RBFOX1: variants seen among roughly 807,000 people sequenced by gnomAD.
RBFOX1 encodes the protein RNA binding protein fox-1 homolog 1.
Under a neutral mutation model 57.7 loss-of-function variants are expected in RBFOX1, and 8 were observed. The observed-to-expected ratio is 0.14, with a 90% CI of 0.08 to 0.25. The LOEUF (loss-of-function observed/expected upper bound fraction) is 0.25. Among genes scored for constraint, RBFOX1 ranks in the 10% least tolerant of loss-of-function variants. The pLI, the probability that RBFOX1 is intolerant of heterozygous loss-of-function variation, is 1.00. For missense variants in RBFOX1, 611 were observed against 548.5 expected (o/e 1.11, Z -1.14); for synonymous variants, 326 against 222.4 (o/e 1.47, Z -4.15).
chr16:7,179,037 C>T (rs2082191058), intron 4 of RBFOX1, among the ~76,000 whole-genome samples: 1 of 152,054 alleles, frequency 6.6e-6, no homozygotes, highest in Non-Finnish European at 1.5e-5. Context: ...AATAGTTCTG[C>T]TTTTATTTTT....
At chr16:6,846,696 G>A (rs994592857) in intron 3 of RBFOX1, among the ~76,000 whole-genome samples, 7 of 152,108 alleles carry the variant, frequency 4.6e-5, no homozygotes, top group Non-Finnish European at 8.8e-5. Flanking sequence ...GGTAACGTTC[G>A]CCAGTATCCG....
At chr16:6,703,281 A>T (rs8055409) in intron 3 of RBFOX1, among the ~76,000 whole-genome samples, 122 of 149,506 alleles carry the variant, frequency 8.2e-4, no homozygotes, top group Non-Finnish European at 3.0e-4. Flanking sequence ...TTCATTTCAT[A>T]GATAAGAAAG....
intron 2 of RBFOX1, among the ~76,000 whole-genome samples, chr16:6,638,987 G>C (rs78811907): frequency 0.044 from 6,667 of 152,236 alleles, 185 homozygotes; most frequent in Non-Finnish European, 0.048. Flanking sequence ...TGACAAGATG[G>C]CTCGAGTTCA....
chr16:7,043,046 CACAATCTCCCTGACTTTATCCTGCTTTTG>C (rs139795014), intron 3 of RBFOX1, among the ~76,000 whole-genome samples: 1 of 87,870 alleles, frequency 1.1e-5, no homozygotes, highest in African/African-American at 6.1e-5. Flanking sequence ...CTCCACCCCC[CACAATCTCCCTGACTTTATCCTGCTTTTG>C]ACTGTGCCAT....
intron 3 of RBFOX1, among the ~76,000 whole-genome samples, chr16:5,641,867 G>A (rs911380397): frequency 1.3e-5 from 2 of 152,098 alleles, no homozygotes; most frequent in African/African-American, 4.8e-5. Flanking sequence ...ATTTGAGTGG[G>A]GTTTCCTAGG....
At chr16:6,377,491 A>G (rs1017763840) in intron 2 of RBFOX1, among the ~76,000 whole-genome samples, 5 of 152,100 alleles carry the variant, frequency 3.3e-5, no homozygotes, top group African/African-American at 1.2e-4. Context: ...TGAATGAATG[A>G]TAATGCTCTG....
At chr16:7,098,528 T>G (rs765878800) in intron 4 of RBFOX1, among the ~76,000 whole-genome samples, 11 of 152,222 alleles carry the variant, frequency 7.2e-5, no homozygotes, top group Non-Finnish European at 1.5e-5. Flanking sequence ...TAGCATACTT[T>G]ACTTTATTGA....
At chr16:5,433,985 C>G (rs929451011) in intron 1 of RBFOX1, among the ~76,000 whole-genome samples, 5 of 152,126 alleles carry the variant, frequency 3.3e-5, no homozygotes, top group African/African-American at 1.2e-4. Context: ...TTGTTAACCA[C>G]TCCTGGGTCC....
Position 6,989,540 on chromosome 16 carries a change from G to A in RBFOX1, c.-15-62517G>A, listed in dbSNP as rs531719481. ...TTATTAGTTGCCTATCAATTTATAC[G>A]TAGTACCAGGGATGGATATAAAGAA... is the stretch of plus-strand genomic sequence containing the variant. On this transcript the variant is annotated intron_variant, in intron 3 of 15. Transcript: ENST00000550418. Among the ~76,000 whole-genome samples, 13 of 152,132 alleles carry A rather than the reference G, an allele frequency of 8.5e-5. No individual in the cohort carries two copies. The East Asian group carries it at 1.7e-3, about 20-fold the overall frequency.
intron 4 of RBFOX1, among the ~76,000 whole-genome samples, chr16:7,054,092 T>C (rs780932331): frequency 6.6e-6 from 1 of 151,352 alleles, no homozygotes; most frequent in Non-Finnish European, 1.5e-5. Flanking sequence ...TTTTGTTCTC[T>C]GTCTTTCCAT....
At chr16:7,259,430 C>A (rs933187930) in intron 4 of RBFOX1, among the ~76,000 whole-genome samples, 7 of 151,852 alleles carry the variant, frequency 4.6e-5, no homozygotes, top group Admixed American at 3.9e-4. Flanking sequence ...ATGAGTGAGA[C>A]CCCTGTAGAG....
At chr16:6,163,135 G>A (rs952487735) in intron 1 of RBFOX1, among the ~76,000 whole-genome samples, 13 of 152,154 alleles carry the variant, frequency 8.5e-5, no homozygotes, top group African/African-American at 2.4e-5. Flanking sequence ...AGGAAGGGTT[G>A]TGGTGTAAGT....
Position 6,981,061 on chromosome 16 carries a change from A to T in RBFOX1, c.-15-70996A>T, listed in dbSNP as rs147607984. Among the ~76,000 whole-genome samples, 724 of 145,476 alleles carry T rather than the reference A, an allele frequency of 5.0e-3. 9 individuals are homozygous for T. Among genetic ancestry groups the T allele is most frequent in the African/African-American group, 0.016 (618 of 37,654 alleles). On this transcript the variant is annotated intron_variant, in intron 3 of 15. Coordinates refer to ENST00000550418, the MANE Select transcript of RBFOX1 (RefSeq NM_018723.4). ...CAGTCTCAAAAAAAAAAAAAAAAAC[A>T]CTAAAAAATTCAGGAGTGGTGAGAT...
chr16:6,165,055 T>G (rs1166396056), intron 1 of RBFOX1, among the ~76,000 whole-genome samples: 4 of 152,192 alleles, frequency 2.6e-5, no homozygotes, highest in Admixed American at 2.0e-4. Flanking sequence ...GGATTCTGAT[T>G]CTTTGAGGCG....
chr16:7,249,663 A>G (rs1484107630), intron 4 of RBFOX1, among the ~76,000 whole-genome samples: 1 of 150,962 alleles, frequency 6.6e-6, no homozygotes, highest in African/African-American at 2.4e-5. Context: ...TTGAATGGGT[A>G]CCAGATTTAT....
At chr16:6,739,209 G>C (rs1452534307) in intron 3 of RBFOX1, among the ~76,000 whole-genome samples, 1 of 147,988 alleles carries the variant, frequency 6.8e-6, no homozygotes, top group African/African-American at 2.5e-5. Context: ...AAATATAGAA[G>C]AAAATGGCAA....
intron 4 of RBFOX1, among the ~76,000 whole-genome samples, chr16:7,312,732 T>G (rs1429773328): frequency 1.3e-5 from 2 of 152,212 alleles, no homozygotes; most frequent in African/African-American, 4.8e-5. Flanking sequence ...TTATTTACTT[T>G]CAAAAGCTGA....
At chr16:7,198,106 C>T (rs570833303) in intron 4 of RBFOX1, among the ~76,000 whole-genome samples, 8 of 146,050 alleles carry the variant, frequency 5.5e-5, no homozygotes, top group African/African-American at 7.7e-5. Flanking sequence ...CCTGGGTTCA[C>T]GCCATTCTCC....
chr16:6,663,477 G>T (rs2098713807), intron 3 of RBFOX1, among the ~76,000 whole-genome samples: 1 of 152,112 alleles, frequency 6.6e-6, no homozygotes, highest in Non-Finnish European at 1.5e-5. Context: ...GTGCACTTCT[G>T]ATAGCAGAAC....
Sources: allele counts gnomAD v4.1 joint callset (sites outside exome capture counted in the v4.1 genomes callset), GRCh38; gene constraint gnomAD v4.1.1; transcripts MANE v1.5; gene names NCBI Gene and HGNC (gene_info 2026-07-23, HGNC 2026-07-21).